Variants in TSHZ2 observed in about 807,000 individuals in gnomAD.
TSHZ2 encodes the protein teashirt zinc finger homeobox 2.
A neutral mutation model predicts 74.4 loss-of-function variants in TSHZ2; 21 were observed. The observed-to-expected ratio is 0.28, with a 90% CI of 0.20 to 0.41. TSHZ2 has a LOEUF of 0.41. Ranked by LOEUF, TSHZ2 falls within the 10% of genes least tolerant of loss-of-function variation. The pLI is 1.00. For missense variants in TSHZ2, 1,244 were observed against 1,293.5 expected, an observed-to-expected ratio of 0.96 and a Z score of 0.59; for synonymous variants, 540 against 515.3, an observed-to-expected ratio of 1.05 and a Z score of -0.65.
intron 2 of TSHZ2, among the ~76,000 whole-genome samples, chr20:53,394,859 CAAAAAAAAAAAA>C (rs1005992034): frequency 2.3e-5 from 1 of 44,126 alleles, no homozygotes; most frequent in African/African-American, 7.7e-5. Flanking sequence ...CAGAACTCAC[CAAAAAAAAAAAA>C]AAAAAAAAAA....
At position 53,180,817 on chromosome 20, in the gene TSHZ2, G is replaced by A. The variant is rs372566962; in HGVS notation, c.41-72682G>A. ...TGAAAAGATCACTTGTTAACACAAA[G>A]CAAAAAGGGACAAGGAGCTGCCTTA... On this transcript the variant is annotated intron_variant, in intron 1 of 2. Coordinates refer to ENST00000371497, the MANE Select transcript of TSHZ2 (RefSeq NM_173485.6). 5.3e-5 allele frequency among the ~76,000 whole-genome samples: 8 copies of A among 152,132 alleles called. No individual in the cohort carries two copies. The South Asian group carries it at 1.7e-3, about 32-fold the overall frequency.
intron 2 of TSHZ2, among the ~76,000 whole-genome samples, chr20:53,381,960 G>A (rs1341514746): frequency 1.3e-5 from 2 of 152,042 alleles, no homozygotes; most frequent in Non-Finnish European, 2.9e-5. Flanking sequence ...ACCTTTTTTG[G>A]GGACAAGGAA....
chr20:53,182,512 T>A (rs1168109685), intron 1 of TSHZ2, among the ~76,000 whole-genome samples: 3 of 152,242 alleles, frequency 2.0e-5, no homozygotes, highest in African/African-American at 7.2e-5. Context: ...TAAACAGACA[T>A]TAAACAGTTA....
In TSHZ2 at chr20:53,254,042, T is replaced by C; in HGVS notation, c.584T>C (p.Val195Ala). ...SVSKPSLFSSVQLYRQSSKMC... is the reference protein window; with the variant it reads ...SVSKPSLFSSAQLYRQSSKMC... ...TCGAAACCCAGCCTGTTCAGCTCGG[T>C]GCAGTTGTACCGACAGAGCAGCAAG... Residue 195 changes from valine (V) to alanine (A), a missense_variant, in exon 2 of 3, where the codon GTG becomes GCG. By Grantham distance (64) the Val-to-Ala change is moderately conservative. Transcript: ENST00000371497. 6.2e-7 allele frequency: 1 copy of C among 1,614,122 alleles called. No homozygotes were observed. Among genetic ancestry groups the C allele is most frequent in the East Asian group, 2.2e-5 (1 of 44,870 alleles).
intron 2 of TSHZ2, among the ~76,000 whole-genome samples, chr20:53,314,287 C>CAAAAAAAAAAAAAAAAAAAAAAAAAA (rs5841941): frequency 2.3e-5 from 3 of 131,708 alleles, no homozygotes; most frequent in Non-Finnish European, 4.8e-5. Context: ...GACTCTGTCT[C>CAAAAAAAAAAAAAAAAAAAAAAAAAA]AAAAAAAAAA....
At chr20:53,285,988 T>C (rs980057855) in intron 2 of TSHZ2, among the ~76,000 whole-genome samples, 1 of 152,194 alleles carries the variant, frequency 6.6e-6, no homozygotes, top group African/African-American at 2.4e-5. Context: ...ACAGAGGTTT[T>C]TTTTTAAATT....
intron 2 of TSHZ2, among the ~76,000 whole-genome samples, chr20:53,430,940 G>C (rs947257025): frequency 6.6e-6 from 1 of 151,906 alleles, no homozygotes; most frequent in African/African-American, 2.4e-5. Context: ...ATTTTTAGTA[G>C]AGACAGTGTT....
chr20:53,319,239 CAAGTAT>C (rs1338643920), intron 2 of TSHZ2, among the ~76,000 whole-genome samples: 6 of 152,264 alleles, frequency 3.9e-5, no homozygotes, highest in Non-Finnish European at 5.9e-5. Flanking sequence ...GTAAAAAAGC[CAAGTAT>C]AAGTGCTGCT....
chr20:53,454,872 T>A (rs1334305049), intron 2 of TSHZ2, among the ~76,000 whole-genome samples: 1 of 152,172 alleles, frequency 6.6e-6, no homozygotes, highest in Non-Finnish European at 1.5e-5. Context: ...AACTGAAACT[T>A]ACCAGATCAC....
At position 53,190,103 on chromosome 20, in the gene TSHZ2, A is replaced by ATATATATATATG. The variant is rs1367578022; in HGVS notation, c.41-63385_41-63384insGTATATATATAT. Among the ~76,000 whole-genome samples the ATATATATATATG allele has an allele frequency of 3.7e-4, 22 of 59,066 alleles. 1 individual carries two copies. The highest frequency in any genetic ancestry group is 1.5e-3 in the African/African-American group (17 of 11,344). 38.7% of individuals were successfully genotyped at this position (59,066 alleles called of 152,430 possible). On this transcript the variant is annotated intron_variant, in intron 1 of 2. Coordinates refer to ENST00000371497, the MANE Select transcript of TSHZ2 (RefSeq NM_173485.6). ...CTGTCTCAAATATATATATATATAT[A>ATATATATATATG]TATATATATATATATATATATATAT... is the stretch of plus-strand genomic sequence containing the variant.
intron 2 of TSHZ2, among the ~76,000 whole-genome samples, chr20:53,317,997 T>C (rs1259729972): frequency 6.6e-6 from 1 of 152,200 alleles, no homozygotes; most frequent in African/African-American, 2.4e-5. Flanking sequence ...TTTCATCTTG[T>C]TGGTCATTCT....
At chr20:53,231,882 C>A (rs773096773) in intron 1 of TSHZ2, among the ~76,000 whole-genome samples, 20 of 151,954 alleles carry the variant, frequency 1.3e-4, no homozygotes, top group Non-Finnish European at 2.8e-4. Context: ...ACAGGCCATA[C>A]AAAACAATAT....
At position 53,259,851 on chromosome 20, in the gene TSHZ2, G is replaced by C. The variant is rs189254541; in HGVS notation, c.*8+3280G>C. Among the ~76,000 whole-genome samples the C allele has an allele frequency of 2.1e-3, 326 of 152,190 alleles. 1 individual carries two copies. Among genetic ancestry groups the C allele is most frequent in the African/African-American group, 6.9e-3 (285 of 41,542 alleles). ...GTTTATCAGAATTCAAATTTAACTG[G>C]GCATCCTGTATTTTTATTAGCTAAA... On this transcript the variant is annotated intron_variant, in intron 2 of 2. Transcript: ENST00000371497.
At chr20:53,127,103 T>A (rs1600703020) in intron 1 of TSHZ2, among the ~76,000 whole-genome samples, 1 of 152,170 alleles carries the variant, frequency 6.6e-6, no homozygotes, top group Non-Finnish European at 1.5e-5. Flanking sequence ...CCAACCAAAC[T>A]ATTGGTGGTA....
chr20:53,314,468 G>A (rs991533935), intron 2 of TSHZ2, among the ~76,000 whole-genome samples: 4 of 152,030 alleles, frequency 2.6e-5, no homozygotes, highest in African/African-American at 9.7e-5. Flanking sequence ...GGCATGATCT[G>A]GAGAAGCTTC....
Position 53,426,652 on chromosome 20 carries a change from G to A in TSHZ2, c.*9-60492G>A, listed in dbSNP as rs186126078. Reference sequence around the variant, plus strand: ...TCAGCGCGTTTTCTGCCCAGCCTGGGTACTGCTAATAAAGTATACTTGACA... The same window carrying A: ...TCAGCGCGTTTTCTGCCCAGCCTGGATACTGCTAATAAAGTATACTTGACA... On this transcript the variant is annotated intron_variant, in intron 2 of 2. Transcript: ENST00000371497. Among the ~76,000 whole-genome samples the A allele has an allele frequency of 1.8e-3, 275 of 152,238 alleles. 4 individuals are homozygous for A. The highest frequency in any genetic ancestry group is 6.1e-3 in the African/African-American group (253 of 41,534).
intron 1 of TSHZ2, among the ~76,000 whole-genome samples, chr20:53,201,870 T>C (rs1989016580): frequency 6.6e-6 from 1 of 152,078 alleles, no homozygotes; most frequent in African/African-American, 2.4e-5. Context: ...ATCAAAAATA[T>C]CTCCAGACAT....
At chr20:53,080,311 G>A (rs1568749700) in intron 1 of TSHZ2, among the ~76,000 whole-genome samples, 1 of 152,146 alleles carries the variant, frequency 6.6e-6, no homozygotes, top group African/African-American at 2.4e-5. Context: ...TTTCAACTTG[G>A]TCTTAAGGAA....
intron 1 of TSHZ2, among the ~76,000 whole-genome samples, chr20:53,101,213 G>C (rs1378876022): frequency 2.0e-5 from 3 of 152,124 alleles, no homozygotes; most frequent in African/African-American, 7.2e-5. Context: ...GAAATCCAAA[G>C]ATTCCCATTA....
Sources: allele counts gnomAD v4.1 joint callset (sites outside exome capture counted in the v4.1 genomes callset), GRCh38; gene constraint gnomAD v4.1.1; transcripts MANE v1.5; gene names NCBI Gene and HGNC (gene_info 2026-07-23, HGNC 2026-07-21).